HS2ST1: variants seen among roughly 807,000 people sequenced by gnomAD.
HS2ST1 encodes 2-O-sulfotransferase.
HS2ST1 carries 18 observed loss-of-function variants against 42.9 expected under a neutral mutation model. That is an observed-to-expected ratio of 0.42 (90% CI 0.29 to 0.62). The LOEUF (loss-of-function observed/expected upper bound fraction) is 0.62, where lower values mean the gene tolerates loss of function less well. Ranked by LOEUF, HS2ST1 falls within the 20% of genes least tolerant of loss-of-function variation. HS2ST1 has a pLI of 0.21. For missense variants in HS2ST1, 334 were observed against 433.8 expected (o/e 0.77, Z 2.04); for synonymous variants, 146 against 152.9 (o/e 0.95, Z 0.33).
intron 1 of HS2ST1, among the ~76,000 whole-genome samples, chr1:87,068,814 T>C (rs1181086940): frequency 6.6e-6 from 1 of 152,232 alleles, no homozygotes; most frequent in Admixed American, 6.5e-5. Flanking sequence ...GAAAATGTTA[T>C]TTAACATACA....
chr1:86,996,342 T>C (rs1411133552), intron 1 of HS2ST1, among the ~76,000 whole-genome samples: 1 of 150,416 alleles, frequency 6.6e-6, no homozygotes, highest in East Asian at 2.0e-4. Flanking sequence ...CTCGGGAGGC[T>C]GAGGCAGGAG....
rs75769642 is a variant in HS2ST1 at position 86,974,313 on chromosome 1, T to G, written c.124+59153T>G. ...CTACATGATGAATGCTAAAAATTAT[T>G]AAACTGTGGGATTTGGAGAGCTTCT... On this transcript the variant is annotated intron_variant, in intron 1 of 6. Coordinates refer to ENST00000370550, the MANE Select transcript of HS2ST1 (RefSeq NM_012262.4). Among the ~76,000 whole-genome samples the G allele has an allele frequency of 3.7e-3, 560 of 152,292 alleles. 5 individuals carry two copies. Among genetic ancestry groups the G allele is most frequent in the African/African-American group, 0.013 (541 of 41,560 alleles).
chr1:86,941,754 A>G (rs776787685), intron 1 of HS2ST1, among the ~76,000 whole-genome samples: 95 of 152,248 alleles, frequency 6.2e-4, no homozygotes, highest in Non-Finnish European at 8.8e-4. Context: ...CAGCCTGGGC[A>G]ACAGAGCAAG....
intron 1 of HS2ST1, among the ~76,000 whole-genome samples, chr1:86,931,267 C>T (rs1424189348): frequency 6.6e-6 from 1 of 152,006 alleles, no homozygotes; most frequent in Admixed American, 6.6e-5. Context: ...AAGAGATACA[C>T]AGATGTGTTT....
chr1:87,103,365 G>A (rs1652261670), intron 5 of HS2ST1, 67 bp from the exon 6 acceptor site: 2 of 1,426,190 alleles, frequency 1.4e-6, no homozygotes, highest in Middle Eastern at 1.8e-4. Flanking sequence ...AATATATGGT[G>A]TCAAAGGCAC....
intron 1 of HS2ST1, among the ~76,000 whole-genome samples, chr1:86,916,494 A>C (rs1050807951): frequency 1.3e-5 from 2 of 152,220 alleles, no homozygotes; most frequent in African/African-American, 4.8e-5. Context: ...AAGAGCCTTG[A>C]AAGAAAAACC....
At chr1:86,946,757 A>C (rs1647351501) in intron 1 of HS2ST1, among the ~76,000 whole-genome samples, 1 of 152,224 alleles carries the variant, frequency 6.6e-6, no homozygotes, top group Non-Finnish European at 1.5e-5. Context: ...TAATTAATGC[A>C]CATAGCATTG....
intron 1 of HS2ST1, among the ~76,000 whole-genome samples, chr1:87,037,597 A>ATT (rs369863881): frequency 1.6e-4 from 24 of 145,884 alleles, no homozygotes; most frequent in African/African-American, 2.2e-4. Flanking sequence ...ATAAAGTTGA[A>ATT]TTTTTTTTTT....
At chr1:86,943,992 A>G (rs1002328089) in intron 1 of HS2ST1, among the ~76,000 whole-genome samples, 1 of 151,506 alleles carries the variant, frequency 6.6e-6, no homozygotes, top group African/African-American at 2.4e-5. Context: ...GCGCCATTGC[A>G]CTCTCCCTGG....
chr1:87,059,801 TAAATCTG>T (rs1191697802), intron 1 of HS2ST1, among the ~76,000 whole-genome samples: 1 of 152,194 alleles, frequency 6.6e-6, no homozygotes, highest in Non-Finnish European at 1.5e-5. Flanking sequence ...TGGATGCAGG[TAAATCTG>T]ACTCTGGTCA....
chr1:87,069,504 G>A (rs1025557622), intron 1 of HS2ST1, among the ~76,000 whole-genome samples: 6 of 152,146 alleles, frequency 3.9e-5, no homozygotes, highest in Non-Finnish European at 8.8e-5. Flanking sequence ...AACACTGATT[G>A]ATTTTAAGTA....
At chr1:87,058,446 T>G (rs1199007284) in intron 1 of HS2ST1, among the ~76,000 whole-genome samples, 1 of 151,650 alleles carries the variant, frequency 6.6e-6, no homozygotes, top group African/African-American at 2.4e-5. Flanking sequence ...TGCACTGTTT[T>G]GTTTTGTTTT....
chr1:86,924,960 C>T (rs541203919), intron 1 of HS2ST1, among the ~76,000 whole-genome samples: 1 of 152,298 alleles, frequency 6.6e-6, no homozygotes, highest in African/African-American at 2.4e-5. Flanking sequence ...CATTGTCAGT[C>T]TTAAAATTTT....
At chr1:87,001,636 G>A (rs183832556) in intron 1 of HS2ST1, among the ~76,000 whole-genome samples, 93 of 152,176 alleles carry the variant, frequency 6.1e-4, no homozygotes, top group African/African-American at 2.1e-3. Flanking sequence ...TTTTTGAGAC[G>A]AAGTTTCACT....
At chr1:86,971,838 A>G (rs1648242156) in intron 1 of HS2ST1, among the ~76,000 whole-genome samples, 1 of 152,204 alleles carries the variant, frequency 6.6e-6, no homozygotes, top group South Asian at 2.1e-4. Context: ...CTTGAAAGAA[A>G]AAAAAAATGC....
chr1:87,077,627 T>C (rs1437143008), intron 2 of HS2ST1, among the ~76,000 whole-genome samples: 1 of 152,238 alleles, frequency 6.6e-6, no homozygotes, highest in Non-Finnish European at 1.5e-5. Flanking sequence ...GCCTGTCTTT[T>C]CCTCTATTAT....
chr1:87,023,116 A>T (rs914364327), intron 1 of HS2ST1, among the ~76,000 whole-genome samples: 2 of 152,220 alleles, frequency 1.3e-5, no homozygotes, highest in African/African-American at 4.8e-5. Flanking sequence ...GTGTTGTAAC[A>T]AATTCAAATT....
At chr1:86,928,752 T>C (rs1366313892) in intron 1 of HS2ST1, among the ~76,000 whole-genome samples, 2 of 152,014 alleles carry the variant, frequency 1.3e-5, no homozygotes. Context: ...CTTATTTTCC[T>C]TCCTACTTTG....
At chr1:87,013,267 A>G (rs775442457) in intron 1 of HS2ST1, among the ~76,000 whole-genome samples, 4 of 152,200 alleles carry the variant, frequency 2.6e-5, no homozygotes, top group Non-Finnish European at 5.9e-5. Context: ...AGGCATTTCC[A>G]TACAACCTCT....
Sources: allele counts gnomAD v4.1 joint callset (sites outside exome capture counted in the v4.1 genomes callset), GRCh38; gene constraint gnomAD v4.1.1; transcripts MANE v1.5; gene names NCBI Gene and HGNC (gene_info 2026-07-23, HGNC 2026-07-21).